The following SMTNL2 variants were observed in gnomAD, a reference collection of about 807,000 sequenced individuals.
SMTNL2 encodes the protein smoothelin-like protein 2.
A neutral mutation model predicts 44.1 loss-of-function variants in SMTNL2; 43 were observed. The observed-to-expected ratio is 0.98, with a 90% CI of 0.76 to 1.26. SMTNL2 has a LOEUF of 1.26. SMTNL2 is among the 50% of genes most tolerant of loss of function. SMTNL2 has a pLI of 0.00. For missense variants in SMTNL2, 646 were observed against 670.2 expected, an observed-to-expected ratio of 0.96 and a Z score of 0.40; for synonymous variants, 317 against 287.6, an observed-to-expected ratio of 1.10 and a Z score of -1.03.
At chr17:4,590,269 G>A (rs966838327) in intron 1 of SMTNL2, among the ~76,000 whole-genome samples, 11 of 152,024 alleles carry the variant, frequency 7.2e-5, no homozygotes, top group African/African-American at 2.7e-4. Flanking sequence ...GCCTGGCCCC[G>A]TGCCTGGCTT....
At position 4,592,538 on chromosome 17, in the gene SMTNL2, C is replaced by A. The variant is rs555655665; in HGVS notation, c.487+90C>A. The A allele has an allele frequency of 2.3e-6, 3 of 1,284,446 alleles. No individual in the cohort carries two copies. The Admixed American group carries it at 6.6e-5, about 28-fold the overall frequency. 79.6% of individuals were successfully genotyped at this position (1,284,446 alleles called of 1,614,324 possible). ...GTATCTGTGCCAGGCTGGCCCTTGG[C>A]CTGGCATCGGGGGGACTCTATCCTG... On this transcript the variant is annotated intron_variant, in intron 2 of 7. Coordinates refer to ENST00000389313, the MANE Select transcript of SMTNL2 (RefSeq NM_001114974.2). This position sits in a 1 kb window ranked among gnomAD's most constrained non-coding sequence, Gnocchi z 4.5.
Position 4,595,061 on chromosome 17 carries a change from ACT to A in SMTNL2, c.807-82_807-81del. The A allele has an allele frequency of 6.3e-7, 1 of 1,584,570 alleles. No homozygotes were observed. The highest frequency in any genetic ancestry group is 8.6e-7 in the Non-Finnish European group (1 of 1,157,238). ...TCACGGTGCAGGCTGCCTTGTCCAC[ACT>A]CAGTGCAATGGAGACCTTGGGGCCT... On this transcript the variant is annotated intron_variant, in intron 4 of 7. Transcript: ENST00000389313. This position sits in a 1 kb window ranked among gnomAD's most constrained non-coding sequence, Gnocchi z 5.1.
rs139157817 is a variant in SMTNL2 at position 4,594,171 on chromosome 17, G to A, written c.806+274G>A. 9.4e-3 allele frequency among the ~76,000 whole-genome samples: 1,437 copies of A among 152,204 alleles called. 12 individuals carry two copies. Among genetic ancestry groups the A allele is most frequent in the Middle Eastern group, 0.014 (4 of 294 alleles). ...CAGTCAAAAGATTGGAGGAGTGGCC[G>A]GGCGCGGTGGCTCACACCTGTAATC... is the stretch of plus-strand genomic sequence containing the variant. On this transcript the variant is annotated intron_variant, in intron 4 of 7. Transcript: ENST00000389313.
At chr17:4,591,476 C>T (rs1909568241) in intron 1 of SMTNL2, among the ~76,000 whole-genome samples, 1 of 152,372 alleles carries the variant, frequency 6.6e-6, no homozygotes, top group Admixed American at 6.5e-5. Context: ...TAACTTTGGG[C>T]AGGGCACATG....
Position 4,584,957 on chromosome 17 carries a change from G to T in SMTNL2, c.352G>T (p.Ala118Ser). 7.3e-7 allele frequency: 1 copy of T among 1,366,056 alleles called. No individual in the cohort carries two copies. The highest frequency in any genetic ancestry group is 9.4e-7 in the Non-Finnish European group (1 of 1,061,600). The allele number at this position is 1,366,056 out of a possible 1,614,324, so 84.6% of individuals were successfully genotyped here. ...VPDRAPRLGSARFASHATFSL... is the reference protein window; with the variant it reads ...VPDRAPRLGSSRFASHATFSL... ...CGACCGCGCGCCCCGCCTGGGCAGCGCACGCTTCGCCAGCCACGCCACCTT... is the reference window on the plus strand; with the variant it reads ...CGACCGCGCGCCCCGCCTGGGCAGCTCACGCTTCGCCAGCCACGCCACCTT... Residue 118 changes from alanine to serine, a missense_variant, in exon 1 of 8, where the codon GCA (alanine) becomes TCA (serine). Physicochemically the swap from Ala to Ser is moderately conservative, Grantham distance 99. Coordinates refer to ENST00000389313, the MANE Select transcript of SMTNL2 (RefSeq NM_001114974.2).
intron 3 of SMTNL2, 36 bp from the exon 4 acceptor site, chr17:4,593,786 C>T: frequency 6.2e-7 from 1 of 1,605,610 alleles, no homozygotes; most frequent in Non-Finnish European, 8.5e-7. Context: ...TCCCTGGGGC[C>T]AGGGTTTGTT....
intron 4 of SMTNL2, among the ~76,000 whole-genome samples, chr17:4,594,735 AAGG>A (rs772880711): frequency 5.3e-5 from 8 of 151,602 alleles, no homozygotes; most frequent in Non-Finnish European, 8.8e-5. Flanking sequence ...TTAATAATAA[AAGG>A]AGAATTGTGA....
intron 1 of SMTNL2, among the ~76,000 whole-genome samples, chr17:4,588,744 G>C (rs1909445007): frequency 1.3e-5 from 2 of 152,306 alleles, no homozygotes; most frequent in South Asian, 4.1e-4. Flanking sequence ...CCCAGGTCCT[G>C]GAAGACAACT....
Position 4,597,314 on chromosome 17 carries a change from C to G in SMTNL2, c.1250C>G (p.Thr417Ser). The G allele has an allele frequency of 6.2e-7, 1 of 1,613,904 alleles. No individual in the cohort carries two copies. Among genetic ancestry groups the G allele is most frequent in the Non-Finnish European group, 8.5e-7 (1 of 1,179,844 alleles). The change falls in exon 7 of 8, where the codon ACC becomes AGC. Residue 417 changes from threonine (T) to serine (S), a missense_variant. Thr to Ser is a moderately conservative substitution (Grantham distance 58, BLOSUM62 1). Coordinates refer to ENST00000389313, the MANE Select transcript of SMTNL2 (RefSeq NM_001114974.2). ...QRQKNFELAF[T>S]MAENLANCER... is the part of the protein sequence containing the mutation. ...CAGAAGAACTTCGAGCTGGCTTTCA[C>G]CATGGCCGAGTGAGTATGGTGGCTC... is the stretch of plus-strand genomic sequence containing the variant.
At position 4,607,477 on chromosome 17, in the gene SMTNL2, G is replaced by A. The variant is rs113952457; in HGVS notation, c.1376G>A (p.Arg459His). The A allele has an allele frequency of 1.5e-4, 238 of 1,614,078 alleles. 1 individual carries two copies. The African/African-American group carries it at 2.2e-3, about 15-fold the overall frequency. Residue 459 changes from arginine to histidine, a missense_variant, in exon 8 of 8, where the codon CGC (arginine) becomes CAC (histidine). Coordinates refer to ENST00000389313, the MANE Select transcript of SMTNL2 (RefSeq NM_001114974.2). The surrounding 1 kb of genome is among the most constrained non-coding windows in gnomAD (Gnocchi z 4.7). Reference sequence around the variant, plus strand: ...CAGTCGCTGTACAACCACCTGCGTCGCTTCGAGTAAAGCCCCTGAGCCTGG... The same window carrying A: ...CAGTCGCTGTACAACCACCTGCGTCACTTCGAGTAAAGCCCCTGAGCCTGG... The part of the protein sequence containing the change: ...YVQSLYNHLR[R>H]FE
At chr17:4,589,447 C>T (rs1006241779) in intron 1 of SMTNL2, among the ~76,000 whole-genome samples, 5 of 152,114 alleles carry the variant, frequency 3.3e-5, no homozygotes, top group African/African-American at 7.2e-5. Flanking sequence ...ATGGTCTACA[C>T]GGCCGCAGCG....
chr17:4,606,174 T>C (rs961501291), intron 7 of SMTNL2, among the ~76,000 whole-genome samples: 1 of 151,564 alleles, frequency 6.6e-6, no homozygotes, highest in Non-Finnish European at 1.5e-5. Flanking sequence ...CAGGCTGGAG[T>C]GCAATCGCAC....
In SMTNL2 at chr17:4,584,535, G is replaced by A. The variant is rs1909258413; in HGVS notation, c.-71G>A. On this transcript the variant is annotated 5_prime_UTR_variant, in exon 1 of 8. Coordinates refer to ENST00000389313, the MANE Select transcript of SMTNL2 (RefSeq NM_001114974.2). ...AAGCCAGCCACGGACGGCCAGTCGCGGCCCGGAGCTGCGGAGCTCGGATCT... is the reference window on the plus strand; with the variant it reads ...AAGCCAGCCACGGACGGCCAGTCGCAGCCCGGAGCTGCGGAGCTCGGATCT... 8.3e-7 allele frequency: 1 copy of A among 1,209,614 alleles called. No homozygotes were observed. The highest frequency in any genetic ancestry group is 1.0e-6 in the Non-Finnish European group (1 of 973,404). The allele number at this position is 1,209,614 out of a possible 1,614,324, so 74.9% of individuals were successfully genotyped here.
chr17:4,597,057 C>T lies in SMTNL2; in HGVS notation c.1107+80C>T, dbSNP rs1403071037. On this transcript the variant is annotated intron_variant, in intron 6 of 7. Transcript: ENST00000389313. ...AGCGTCGCCCCTGTCCTTGTTCTCC[C>T]GCCTGGGCAGGAGCCCGCTGAGGCT... is the stretch of plus-strand genomic sequence containing the variant. The T allele has an allele frequency of 1.3e-5, 19 of 1,492,086 alleles. No individual in the cohort carries two copies. The Middle Eastern group carries it at 7.5e-4, about 59-fold the overall frequency. 92.4% of individuals were successfully genotyped at this position (1,492,086 alleles called of 1,614,324 possible). A position where few individuals can be genotyped will look rare whatever the true frequency, so the allele number is the denominator to read the frequency against.
Position 4,607,550 on chromosome 17 carries a change from T to C in SMTNL2, c.*63T>C. ...AAGAGGCCGGGGGTCCGCTTGCGAT[T>C]CCCCAGCCAGGATGCCCCCAGGAGC... On this transcript the variant is annotated 3_prime_UTR_variant, in exon 8 of 8. Coordinates refer to ENST00000389313, the MANE Select transcript of SMTNL2 (RefSeq NM_001114974.2). The surrounding 1 kb of genome is among the most constrained non-coding windows in gnomAD (Gnocchi z 4.7). 1 of 1,585,540 alleles carries C rather than the reference T, an allele frequency of 6.3e-7. No homozygotes were observed. Among genetic ancestry groups the C allele is most frequent in the Non-Finnish European group, 8.6e-7 (1 of 1,161,476 alleles).
Position 4,597,417 on chromosome 17 carries a change from G to A in SMTNL2, c.1259+94G>A, listed in dbSNP as rs184608526. On this transcript the variant is annotated intron_variant, in intron 7 of 7. Coordinates refer to ENST00000389313, the MANE Select transcript of SMTNL2 (RefSeq NM_001114974.2). ...GGGGCATGGGGGCGAGTGGGATGTC[G>A]GGCCGCTGTCTGCAAAGCTGAAGGA... 32 of 1,534,466 alleles carry A rather than the reference G, an allele frequency of 2.1e-5. No individual in the cohort carries two copies. In the Middle Eastern group the frequency reaches 8.8e-4, roughly 42 times the overall value.
intron 7 of SMTNL2, among the ~76,000 whole-genome samples, chr17:4,606,990 C>T (rs748238747): frequency 2.0e-5 from 3 of 152,022 alleles, no homozygotes; most frequent in East Asian, 1.9e-4. Context: ...GAAGACAAGG[C>T]GTGAGGATCA....
Position 4,592,404 on chromosome 17 carries a change from C to G in SMTNL2, c.443C>G (p.Thr148Ser). ...DEASESEMRKTSNSCIMENGH... is the reference protein window; with the variant it reads ...DEASESEMRKSSNSCIMENGH... ...GCCAGTGAGTCGGAGATGAGAAAGA[C>G]CTCAAACTCCTGCATCATGGAAAAT... The change falls in exon 2 of 8, where the codon ACC (threonine) becomes AGC (serine). Residue 148 changes from threonine to serine, a missense_variant. Coordinates refer to ENST00000389313, the MANE Select transcript of SMTNL2 (RefSeq NM_001114974.2). This position sits in a 1 kb window ranked among gnomAD's most constrained non-coding sequence, Gnocchi z 4.5. The G allele has an allele frequency of 6.2e-7, 1 of 1,613,594 alleles. No individual in the cohort carries two copies. Among genetic ancestry groups the G allele is most frequent in the Non-Finnish European group, 8.5e-7 (1 of 1,179,952 alleles).
At chr17:4,586,971 C>T (rs1260997169) in intron 1 of SMTNL2, among the ~76,000 whole-genome samples, 1 of 152,040 alleles carries the variant, frequency 6.6e-6, no homozygotes, top group Non-Finnish European at 1.5e-5. Flanking sequence ...ATTCATGGAT[C>T]TGGTGCTCCA....
Sources: gnomAD v4.1 joint callset for allele counts (sites outside exome capture counted in the v4.1 genomes callset) on GRCh38, gnomAD v4.1.1 for gene constraint, Gnocchi (gnomAD v3.1) non-coding constraint, MANE v1.5 for transcripts, NCBI Gene and HGNC (gene_info 2026-07-23, HGNC 2026-07-21) for gene names.